LMBR1: variants seen among roughly 807,000 people sequenced by gnomAD.
The protein encoded by LMBR1 is limb region 1 protein homolog.
LMBR1 carries 52 observed loss-of-function variants against 73.9 expected under a neutral mutation model. The ratio of observed to expected loss-of-function variants is 0.70; its 90% CI spans 0.56 to 0.89. The LOEUF is 0.89. Ranked by LOEUF, LMBR1 falls within the 40% of genes least tolerant of loss-of-function variation. LMBR1 has a pLI of 0.00. For missense variants in LMBR1, 539 were observed against 579.8 expected (o/e 0.93, Z 0.72); for synonymous variants, 215 against 209.4 (o/e 1.03, Z -0.23).
chr7:156,780,873 A>AT (rs1291113866), intron 5 of LMBR1, among the ~76,000 whole-genome samples: 11 of 152,188 alleles, frequency 7.2e-5, no homozygotes, highest in African/African-American at 2.7e-4. Flanking sequence ...AGTGACAGAA[A>AT]TAAGTCACAA....
At chr7:156,868,195 CTTT>C (rs537282265) in intron 1 of LMBR1, among the ~76,000 whole-genome samples, 9 of 138,660 alleles carry the variant, frequency 6.5e-5, no homozygotes, top group Admixed American at 1.5e-4. Flanking sequence ...AGGAGATTTT[CTTT>C]TTTTTTTTTT....
intron 15 of LMBR1, among the ~76,000 whole-genome samples, chr7:156,700,464 A>G (rs1054017973): frequency 6.6e-6 from 1 of 152,162 alleles, no homozygotes; most frequent in African/African-American, 2.4e-5. Flanking sequence ...TAATGGGTGC[A>G]GCACACCAAC....
intron 1 of LMBR1, among the ~76,000 whole-genome samples, chr7:156,841,968 T>C (rs536641618): frequency 2.1e-5 from 3 of 140,562 alleles, no homozygotes; most frequent in African/African-American, 7.4e-5. Context: ...GCTGAAGTTA[T>C]GTGCTCAAGT....
chr7:156,705,331 G>T (rs774271724), intron 15 of LMBR1, among the ~76,000 whole-genome samples: 1 of 152,200 alleles, frequency 6.6e-6, no homozygotes, highest in Non-Finnish European at 1.5e-5. Flanking sequence ...GTCAAGGTGG[G>T]TGGATGGGTT....
chr7:156,763,833 CTTCAT>C (rs1424980559), intron 5 of LMBR1, 38 bp from the exon 6 acceptor site: 1 of 1,536,872 alleles, frequency 6.5e-7, no homozygotes, highest in African/African-American at 1.4e-5. Flanking sequence ...TAGTATTTTA[CTTCAT>C]TTCATGAACA....
At chr7:156,742,498 C>A (rs1170589518) in intron 9 of LMBR1, among the ~76,000 whole-genome samples, 4 of 152,006 alleles carry the variant, frequency 2.6e-5, no homozygotes, top group African/African-American at 9.7e-5. Context: ...TGTCAATACA[C>A]TGGAAAATCT....
intron 4 of LMBR1, 102 bp downstream of exon 4, chr7:156,826,503 G>T: frequency 1.3e-6 from 1 of 782,078 alleles, no homozygotes; most frequent in Non-Finnish European, 1.8e-6. Context: ...ACTGGAGGAA[G>T]TCACAAATTA....
At chr7:156,827,436 C>A (rs1022441900) in intron 3 of LMBR1, among the ~76,000 whole-genome samples, 3 of 151,988 alleles carry the variant, frequency 2.0e-5, no homozygotes, top group Admixed American at 2.0e-4. Context: ...CTCCCCCCAC[C>A]AAATGCATAT....
intron 5 of LMBR1, among the ~76,000 whole-genome samples, chr7:156,773,751 G>GA (rs1018361344): frequency 2.0e-5 from 3 of 151,480 alleles, no homozygotes; most frequent in South Asian, 2.1e-4. Context: ...AAAAACCCTG[G>GA]AAAAAAAACC....
chr7:156,696,669 C>G (rs759926833), intron 15 of LMBR1, among the ~76,000 whole-genome samples: 1 of 152,182 alleles, frequency 6.6e-6, no homozygotes, highest in Non-Finnish European at 1.5e-5. Flanking sequence ...ACAACAACAG[C>G]ATGGGAAAGA....
chr7:156,728,256 C>T (rs75853815), intron 11 of LMBR1, among the ~76,000 whole-genome samples: 1,579 of 152,310 alleles, frequency 0.01, 31 homozygotes, highest in African/African-American at 0.036. Flanking sequence ...TAAGTGATCT[C>T]ACCAATTGGA....
chr7:156,830,258 T>A (rs1243035600), intron 3 of LMBR1, among the ~76,000 whole-genome samples: 1 of 152,182 alleles, frequency 6.6e-6, no homozygotes, highest in Non-Finnish European at 1.5e-5. Context: ...TAGTTATCAA[T>A]AAAATGAAAG....
chr7:156,729,138 C>T (rs1816354361), intron 10 of LMBR1, among the ~76,000 whole-genome samples: 1 of 152,170 alleles, frequency 6.6e-6, no homozygotes, highest in East Asian at 1.9e-4. Context: ...ACTACGATAC[C>T]CAGACAAAAA....
intron 4 of LMBR1, chr7:156,822,348 A>T (rs1055009335): frequency 6.6e-6 from 1 of 152,254 alleles, no homozygotes; most frequent in Non-Finnish European, 1.5e-5. Flanking sequence ...CATTTTATAG[A>T]TAAAAGACTG....
At chr7:156,829,565 G>C (rs1836302419) in intron 3 of LMBR1, among the ~76,000 whole-genome samples, 1 of 152,108 alleles carries the variant, frequency 6.6e-6, no homozygotes, top group South Asian at 2.1e-4. Context: ...TACATCTGCA[G>C]AACTGCGAGC....
At position 156,677,876 on chromosome 7, in the gene LMBR1, G is replaced by A. The variant is rs1804357285; in HGVS notation, c.*6202C>T. 1 of 152,232 alleles carries A rather than the reference G, an allele frequency of 6.6e-6. No individual in the cohort carries two copies. Among genetic ancestry groups the A allele is most frequent in the Non-Finnish European group, 1.5e-5 (1 of 68,042 alleles). 9.4% of individuals were successfully genotyped at this position (152,232 alleles called of 1,614,324 possible). ...ATGAGTAAGCACTTTTATTCTAAGA[G>A]AGCAGAGGGAAACTGAATCACAGAA... On this transcript the variant is annotated 3_prime_UTR_variant, in exon 17 of 17. Coordinates refer to ENST00000353442, the MANE Select transcript of LMBR1 (RefSeq NM_022458.4).
chr7:156,832,547 T>G (rs560621158), intron 3 of LMBR1, among the ~76,000 whole-genome samples: 1 of 152,230 alleles, frequency 6.6e-6, no homozygotes, highest in Non-Finnish European at 1.5e-5. Context: ...TTGCACACTA[T>G]GTGGCCTTTT....
chr7:156,697,919 C>A (rs894666762), intron 15 of LMBR1, among the ~76,000 whole-genome samples: 1 of 151,972 alleles, frequency 6.6e-6, no homozygotes, highest in Admixed American at 6.6e-5. Flanking sequence ...TGGGAACTGA[C>A]AAATGTCCAT....
chr7:156,891,020 G>A (rs574318882), intron 1 of LMBR1, among the ~76,000 whole-genome samples: 50 of 151,398 alleles, frequency 3.3e-4, no homozygotes, highest in African/African-American at 1.0e-3. Flanking sequence ...GAGAAACCCC[G>A]TCTCTAATAA....
Sources: allele counts gnomAD v4.1 joint callset (sites outside exome capture counted in the v4.1 genomes callset), GRCh38; gene constraint gnomAD v4.1.1; transcripts MANE v1.5; gene names NCBI Gene and HGNC (gene_info 2026-07-23, HGNC 2026-07-21).